Variants in VSTM4 observed in about 807,000 individuals in gnomAD.
VSTM4 encodes the protein V-set and transmembrane domain-containing protein 4.
VSTM4 carries 20 observed loss-of-function variants against 36.4 expected under a neutral mutation model. That is an observed-to-expected ratio of 0.55 (90% confidence interval 0.39 to 0.80). The LOEUF (loss-of-function observed/expected upper bound fraction) is 0.80. Among genes scored for constraint, VSTM4 ranks in the 30% least tolerant of loss-of-function variants. The pLI is 0.00. For missense variants in VSTM4, 392 were observed against 404.5 expected (o/e 0.97, Z 0.26); for synonymous variants, 182 against 173.9 (o/e 1.05, Z -0.37).
At chr10:49,098,527 C>A (rs372121787) in intron 2 of VSTM4, among the ~76,000 whole-genome samples, 1 of 152,316 alleles carries the variant, frequency 6.6e-6, no homozygotes, top group East Asian at 1.9e-4. Flanking sequence ...TCCTCCTCCT[C>A]TAATCTGATT....
chr10:49,102,890 CAG>C (rs1460274900), intron 2 of VSTM4: 9 of 346,138 alleles, frequency 2.6e-5, no homozygotes, highest in African/African-American at 1.6e-4. Context: ...CCCAGAGAAA[CAG>C]AACGAACACA....
chr10:49,040,051 G>C (rs539507552), intron 7 of VSTM4, among the ~76,000 whole-genome samples: 1 of 152,244 alleles, frequency 6.6e-6, no homozygotes, highest in Admixed American at 6.5e-5. Flanking sequence ...GGGATGCTTG[G>C]GCCAATGCCT....
At chr10:49,091,688 G>A (rs745983575) in intron 2 of VSTM4, among the ~76,000 whole-genome samples, 12 of 152,078 alleles carry the variant, frequency 7.9e-5, no homozygotes, top group Non-Finnish European at 1.3e-4. Context: ...TGGTTCTTTC[G>A]GGGTCCCCCA....
intron 7 of VSTM4, among the ~76,000 whole-genome samples, chr10:49,030,885 A>G (rs1843335841): frequency 6.6e-6 from 1 of 152,216 alleles, no homozygotes; most frequent in Non-Finnish European, 1.5e-5. Context: ...TATGTTTTGG[A>G]AGCTAAAATG....
chr10:49,037,044 T>G (rs776482342), intron 7 of VSTM4, among the ~76,000 whole-genome samples: 24 of 152,214 alleles, frequency 1.6e-4, no homozygotes, highest in Non-Finnish European at 2.5e-4. Flanking sequence ...TACATATACC[T>G]GGTTGACATA....
chr10:49,103,686 G>C (rs1185040923), intron 2 of VSTM4: 1 of 1,600,538 alleles, frequency 6.2e-7, no homozygotes, highest in African/African-American at 1.3e-5. Context: ...GAGAGACCAG[G>C]CACCAGCCTT....
chr10:49,065,421 G>A (rs968461387), intron 4 of VSTM4, among the ~76,000 whole-genome samples: 1 of 152,178 alleles, frequency 6.6e-6, no homozygotes, highest in African/African-American at 2.4e-5. Context: ...CCACACCCAT[G>A]TGTACCCCCT....
intron 6 of VSTM4, among the ~76,000 whole-genome samples, chr10:49,047,587 G>T (rs1288527543): frequency 6.6e-6 from 1 of 152,158 alleles, no homozygotes; most frequent in East Asian, 1.9e-4. Flanking sequence ...CTTTAGTAAG[G>T]GTGGGTAATA....
intron 7 of VSTM4, among the ~76,000 whole-genome samples, chr10:49,022,953 T>C (rs1843204217): frequency 6.6e-6 from 1 of 152,244 alleles, no homozygotes; most frequent in South Asian, 2.1e-4. Context: ...GTTGTTTTCA[T>C]ACATTTTTAT....
At chr10:49,060,402 G>A (rs1042773402) in intron 5 of VSTM4, among the ~76,000 whole-genome samples, 2 of 152,118 alleles carry the variant, frequency 1.3e-5, no homozygotes, top group South Asian at 2.1e-4. Flanking sequence ...ATTGTAATGG[G>A]GGTATAGTGA....
rs1288819075 is a variant in VSTM4 at position 49,014,626 on chromosome 10, G to C, written c.*5024C>G. The C allele has an allele frequency of 6.6e-6, 1 of 151,932 alleles. No homozygotes were observed. Among genetic ancestry groups the C allele is most frequent in the Non-Finnish European group, 1.5e-5 (1 of 68,032 alleles). The allele number at this position is 151,932 out of a possible 1,614,324, so 9.4% of individuals were successfully genotyped here. ...TGGGGAATGTTTTTTTTTTCCCAGA[G>C]AAAGAAAGCACTTTTAAAAAGCAGT... On this transcript the variant is annotated 3_prime_UTR_variant, in exon 8 of 8. Coordinates refer to ENST00000332853, the MANE Select transcript of VSTM4 (RefSeq NM_001031746.5).
At chr10:49,055,061 A>G in intron 5 of VSTM4, among the ~76,000 whole-genome samples, 1 of 152,092 alleles carries the variant, frequency 6.6e-6, no homozygotes, top group Admixed American at 6.5e-5. Context: ...TGTCTGTCAC[A>G]CTCCAAAGGG....
intron 6 of VSTM4, 64 bp downstream of exon 6, chr10:49,048,414 C>G (rs953765109): frequency 7.0e-7 from 1 of 1,435,756 alleles, no homozygotes; most frequent in South Asian, 1.4e-5. Context: ...CAACATGGAA[C>G]CCCAGACCCA....
intron 4 of VSTM4, among the ~76,000 whole-genome samples, chr10:49,076,241 T>G (rs534315554): frequency 6.6e-6 from 1 of 152,304 alleles, no homozygotes; most frequent in East Asian, 1.9e-4. Flanking sequence ...TTATTGTGTA[T>G]AATTAGAGCC....
chr10:49,039,595 T>C (rs1843488344), intron 7 of VSTM4, among the ~76,000 whole-genome samples: 1 of 152,068 alleles, frequency 6.6e-6, no homozygotes, highest in Admixed American at 6.5e-5. Flanking sequence ...CCCCCTCAGC[T>C]ACCCTAGGGC....
At chr10:49,047,523 T>G (rs17011692) in intron 6 of VSTM4, among the ~76,000 whole-genome samples, 26,323 of 152,168 alleles carry the variant, frequency 0.17, 2,619 homozygotes, top group Non-Finnish European at 0.23. Flanking sequence ...CATTTAGGAT[T>G]TGAACTTGGC....
chr10:49,110,665 G>A (rs1185523213), intron 1 of VSTM4, among the ~76,000 whole-genome samples: 1 of 152,060 alleles, frequency 6.6e-6, no homozygotes. Context: ...CCCTAATCTA[G>A]TATCAATGGT....
At chr10:49,082,427 G>C (rs1220030693) in intron 3 of VSTM4, among the ~76,000 whole-genome samples, 1 of 152,242 alleles carries the variant, frequency 6.6e-6, no homozygotes, top group Non-Finnish European at 1.5e-5. Flanking sequence ...ACTGTGGGAG[G>C]CCGAGGCAGA....
intron 2 of VSTM4, among the ~76,000 whole-genome samples, chr10:49,097,022 AG>A (rs1435631466): frequency 6.6e-6 from 1 of 151,976 alleles, no homozygotes; most frequent in African/African-American, 2.4e-5. Context: ...CCTCTTAGGG[AG>A]GCTAATGACT....
Sources: gnomAD v4.1 joint callset for allele counts (sites outside exome capture counted in the v4.1 genomes callset) on GRCh38, gnomAD v4.1.1 for gene constraint, MANE v1.5 for transcripts, NCBI Gene and HGNC (gene_info 2026-07-23, HGNC 2026-07-21) for gene names.